CLVS1: variants seen among roughly 807,000 people sequenced by gnomAD.
CLVS1 encodes clavesin 1.
A neutral mutation model predicts 33.1 loss-of-function variants in CLVS1; 10 were observed. The ratio of observed to expected loss-of-function variants is 0.30; its 90% confidence interval spans 0.19 to 0.51. The LOEUF is 0.51. Among genes scored for constraint, CLVS1 ranks in the 20% least tolerant of loss-of-function variants. CLVS1 has a pLI of 0.97. For missense variants in CLVS1, 343 were observed against 433.4 expected, an observed-to-expected ratio of 0.79 and a Z score of 1.85; for synonymous variants, 163 against 166.1, an observed-to-expected ratio of 0.98 and a Z score of 0.14.
intron 1 of CLVS1, among the ~76,000 whole-genome samples, chr8:61,294,458 G>T (rs1283378071): frequency 6.6e-6 from 1 of 151,954 alleles, no homozygotes; most frequent in Non-Finnish European, 1.5e-5. Context: ...TATGTACCCC[G>T]AATATTTACC....
upstream of CLVS1, among the ~76,000 whole-genome samples, chr8:61,287,263 T>TA (rs931859000): frequency 4.0e-5 from 6 of 151,890 alleles, no homozygotes; most frequent in Non-Finnish European, 5.9e-5. Context: ...AGGTTGATAT[T>TA]AAAAAAATGT....
At chr8:61,289,366 A>T (rs1349548794) in intron 1 of CLVS1, among the ~76,000 whole-genome samples, 1 of 152,248 alleles carries the variant, frequency 6.6e-6, no homozygotes, top group East Asian at 1.9e-4. Context: ...TGAACCTGAA[A>T]GTCTAAGCCC....
At chr8:61,245,227 T>C (rs74581945) in intron 2 of CLVS1, among the ~76,000 whole-genome samples, 5 of 151,968 alleles carry the variant, frequency 3.3e-5, no homozygotes, top group Non-Finnish European at 7.4e-5. Context: ...TTTGACAGAG[T>C]CTTGCTCTGT....
chr8:61,454,562 T>C (rs1182675460), intron 4 of CLVS1, among the ~76,000 whole-genome samples: 1 of 152,234 alleles, frequency 6.6e-6, no homozygotes, highest in East Asian at 1.9e-4. Flanking sequence ...GTCCAGCAGC[T>C]TTCCTGTTCA....
intron 1 of CLVS1, among the ~76,000 whole-genome samples, chr8:61,074,431 A>ATGT (rs1804866525): frequency 7.4e-6 from 1 of 134,674 alleles, no homozygotes; most frequent in African/African-American, 2.8e-5. Context: ...GTATATATAT[A>ATGT]TGTTATATAT....
intron 2 of CLVS1, chr8:61,203,128 C>G: frequency 8.2e-7 from 1 of 1,215,284 alleles, no homozygotes; most frequent in Non-Finnish European, 1.2e-6. Context: ...GTTCTCTTCC[C>G]AAAGTGGAAG....
intron 3 of CLVS1, among the ~76,000 whole-genome samples, chr8:61,415,670 C>G (rs138884086): frequency 5.3e-5 from 8 of 152,066 alleles, no homozygotes; most frequent in African/African-American, 1.4e-4. Flanking sequence ...GCATCTTCCA[C>G]GGGTGCCGGT....
intron 2 of CLVS1, among the ~76,000 whole-genome samples, chr8:61,365,245 T>C (rs1304985865): frequency 6.6e-6 from 1 of 152,172 alleles, no homozygotes; most frequent in Non-Finnish European, 1.5e-5. Context: ...CTATAAATGT[T>C]GGCCAGGTGC....
At chr8:61,035,075 T>C in the CLVS1 span, among the ~76,000 whole-genome samples, 36 of 152,326 alleles carry the variant, frequency 2.4e-4, 1 homozygote, top group South Asian at 3.7e-3. Context: ...TTTTTTGATA[T>C]CCTGAAATTT....
At position 61,250,973 on chromosome 8, in the gene CLVS1, G is replaced by A. The variant is rs577690894; in HGVS notation, c.-151-48704G>A. On this transcript the variant is annotated intron_variant, in intron 2 of 2. Transcript: ENST00000522621. ...TGTGTTGAATAGGAGTGGTGAGAGA[G>A]GGCATCCTTGTCTTGTGCCAGTTTT... is the stretch of plus-strand genomic sequence containing the variant. 7.9e-4 allele frequency among the ~76,000 whole-genome samples: 121 copies of A among 152,304 alleles called. 1 individual carries two copies. Among genetic ancestry groups the A allele is most frequent in the Non-Finnish European group, 1.5e-3 (100 of 68,022 alleles).
chr8:61,455,611 G>T (rs2129607069), intron 4 of CLVS1, among the ~76,000 whole-genome samples: 1 of 152,204 alleles, frequency 6.6e-6, no homozygotes, highest in Admixed American at 6.5e-5. Context: ...CACTTAGGTT[G>T]TATCCATATC....
intron 2 of CLVS1, among the ~76,000 whole-genome samples, chr8:61,212,177 G>A (rs868211816): frequency 3.3e-5 from 5 of 152,190 alleles, no homozygotes; most frequent in Non-Finnish European, 7.4e-5. Flanking sequence ...CAGCCTCTCC[G>A]CCCTCCAGTT....
At chr8:61,158,252 G>T (rs1294958460) in intron 2 of CLVS1, among the ~76,000 whole-genome samples, 1 of 152,108 alleles carries the variant, frequency 6.6e-6, no homozygotes, top group Non-Finnish European at 1.5e-5. Context: ...ACTCATATAA[G>T]ATTCGAAATG....
intron 3 of CLVS1, among the ~76,000 whole-genome samples, chr8:61,396,434 G>T (rs1251605688): frequency 6.9e-6 from 1 of 144,292 alleles, no homozygotes; most frequent in African/African-American, 2.5e-5. Context: ...AGCACAGAGA[G>T]AACCATAGTT....
chr8:61,181,541 A>G (rs1253781894), intron 2 of CLVS1, among the ~76,000 whole-genome samples: 1 of 152,174 alleles, frequency 6.6e-6, no homozygotes, highest in African/African-American at 2.4e-5. Flanking sequence ...CTAAGCAAAA[A>G]GAAGAAAGTT....
chr8:61,333,169 G>T (rs185782990), intron 2 of CLVS1, among the ~76,000 whole-genome samples: 1 of 152,096 alleles, frequency 6.6e-6, no homozygotes, highest in African/African-American at 2.4e-5. Context: ...AAGCAAAAAC[G>T]TTCAAAAATA....
chr8:61,339,252 T>G (rs1267567044), intron 2 of CLVS1, among the ~76,000 whole-genome samples: 1 of 152,110 alleles, frequency 6.6e-6, no homozygotes, highest in Non-Finnish European at 1.5e-5. Flanking sequence ...TCCGACCCCT[T>G]GCCTGCCCCG....
the CLVS1 span, chr8:60,965,308 G>A: frequency 6.6e-6 from 1 of 152,282 alleles, no homozygotes; most frequent in African/African-American, 2.4e-5. Flanking sequence ...GGGAAGTGAG[G>A]GGCACACGGG....
intron 2 of CLVS1, among the ~76,000 whole-genome samples, chr8:61,309,143 C>T (rs887432961): frequency 2.6e-5 from 4 of 152,086 alleles, no homozygotes; most frequent in Non-Finnish European, 4.4e-5. Context: ...CACCAGAAGT[C>T]GAGATGATTC....
Sources: allele counts gnomAD v4.1 joint callset (sites outside exome capture counted in the v4.1 genomes callset), GRCh38; gene constraint gnomAD v4.1.1; transcripts MANE v1.5; gene names NCBI Gene and HGNC (gene_info 2026-07-23, HGNC 2026-07-21).